Variants in SYT6 observed in about 807,000 individuals in gnomAD.
The protein encoded by SYT6 is synaptotagmin-6.
SYT6 carries 24 observed loss-of-function variants against 38.4 expected under a neutral mutation model. The observed-to-expected ratio is 0.62, with a 90% CI of 0.45 to 0.88. The LOEUF (loss-of-function observed/expected upper bound fraction) is 0.88, where lower values mean the gene tolerates loss of function less well. Among genes scored for constraint, SYT6 ranks in the 40% least tolerant of loss-of-function variants. SYT6 has a pLI of 0.00. For missense variants in SYT6, 611 were observed against 621.0 expected (o/e 0.98, Z 0.17); for synonymous variants, 265 against 241.9 (o/e 1.10, Z -0.89).
chr1:114,125,620 C>T (rs1677679231), intron 3 of SYT6, among the ~76,000 whole-genome samples: 1 of 152,068 alleles, frequency 6.6e-6, no homozygotes, highest in African/African-American at 2.4e-5. Context: ...AGGATGGCTG[C>T]TGTAGAGACC....
rs774979194 is a variant in SYT6 at position 114,137,480 on chromosome 1, C to G, written c.1071+15G>C. 2 of 1,603,450 alleles carry G rather than the reference C, an allele frequency of 1.2e-6. No homozygotes were observed. Among genetic ancestry groups the G allele is most frequent in the Non-Finnish European group, 1.7e-6 (2 of 1,172,264 alleles). ...CACAAATCCTCAAGAAGCCAAGGAA[C>G]AGGGCTGTACTTACACTTGTGGCAT... is the stretch of plus-strand genomic sequence containing the variant. On this transcript the variant is annotated intron_variant, in intron 3 of 7. Coordinates refer to ENST00000610222, the MANE Select transcript of SYT6 (RefSeq NM_001253772.2).
At chr1:114,103,819 G>A in intron 3 of SYT6, 98 bp from the exon 4 acceptor site, 1 of 1,456,452 alleles carries the variant, frequency 6.9e-7, no homozygotes, top group Non-Finnish European at 9.2e-7. Context: ...GTCAGGAGGA[G>A]GCTCTTGGAG....
chr1:114,128,020 C>G (rs1454558303), intron 3 of SYT6, among the ~76,000 whole-genome samples: 1 of 152,240 alleles, frequency 6.6e-6, no homozygotes, highest in Non-Finnish European at 1.5e-5. Flanking sequence ...GGGAGGGCCA[C>G]TGCTGGGCTC....
At chr1:114,146,963 C>CA (rs1262710413) in intron 1 of SYT6, among the ~76,000 whole-genome samples, 1 of 152,132 alleles carries the variant, frequency 6.6e-6, no homozygotes, top group African/African-American at 2.4e-5. Context: ...TAATAAATAT[C>CA]ACCTATTTTT....
At chr1:114,131,592 G>A (rs775146537) in intron 3 of SYT6, among the ~76,000 whole-genome samples, 26 of 152,278 alleles carry the variant, frequency 1.7e-4, no homozygotes, top group Middle Eastern at 3.4e-3. Context: ...GGACTTGGGG[G>A]CACAGGGCAT....
At chr1:114,135,648 G>A (rs1253403700) in intron 3 of SYT6, among the ~76,000 whole-genome samples, 5 of 152,232 alleles carry the variant, frequency 3.3e-5, no homozygotes, top group African/African-American at 9.6e-5. Flanking sequence ...GGTGCATCCA[G>A]GTGAGGAGTG....
At chr1:114,145,869 G>A (rs1427445149) in intron 1 of SYT6, among the ~76,000 whole-genome samples, 2 of 152,228 alleles carry the variant, frequency 1.3e-5, no homozygotes, top group African/African-American at 4.8e-5. Context: ...AATTGAATTC[G>A]TAAATGAAAA....
At chr1:114,095,717 G>C (rs1331267883) in intron 6 of SYT6, among the ~76,000 whole-genome samples, 1 of 151,316 alleles carries the variant, frequency 6.6e-6, no homozygotes. Flanking sequence ...CTGGAGTGCA[G>C]TGGTGCGATC....
At chr1:114,129,211 A>T (rs991977044) in intron 3 of SYT6, among the ~76,000 whole-genome samples, 1 of 152,218 alleles carries the variant, frequency 6.6e-6, no homozygotes, top group East Asian at 1.9e-4. Context: ...TGTGCTTTCA[A>T]AATATATTCA....
In SYT6 at chr1:114,145,731, T is replaced by C. The variant is rs147583932; in HGVS notation, c.164-5768A>G. On this transcript the variant is annotated intron_variant, in intron 1 of 7. Transcript: ENST00000610222. ...TGAGTCACCTCAAAACAAAAGGTGT[T>C]TCTAGGGCTTTGCTTTCCTTTGATC... Among the ~76,000 whole-genome samples the C allele has an allele frequency of 1.3e-4, 20 of 152,304 alleles. No homozygotes were observed. The East Asian group carries it at 2.7e-3, about 21-fold the overall frequency.
intron 3 of SYT6, among the ~76,000 whole-genome samples, chr1:114,126,167 C>G (rs1392798102): frequency 6.6e-6 from 1 of 152,152 alleles, no homozygotes; most frequent in East Asian, 1.9e-4. Context: ...CTCCCAACCA[C>G]CCCAAGCAAG....
At chr1:114,149,141 G>A (rs1302189571) in intron 1 of SYT6, among the ~76,000 whole-genome samples, 2 of 142,846 alleles carry the variant, frequency 1.4e-5, no homozygotes, top group Admixed American at 6.9e-5. Context: ...TTGCCCACCA[G>A]CCACCAGGCA....
At chr1:114,096,344 G>A (rs912001993) in intron 6 of SYT6, among the ~76,000 whole-genome samples, 1 of 152,188 alleles carries the variant, frequency 6.6e-6, no homozygotes, top group Non-Finnish European at 1.5e-5. Context: ...ACAGCTATGG[G>A]ACAATCAAGG....
chr1:114,099,063 A>G (rs2774285), intron 5 of SYT6, 31 bp downstream of exon 5: 1,234,518 of 1,583,208 alleles, frequency 0.78, 483,812 homozygotes, highest in East Asian at 0.94. Flanking sequence ...AGTGAGGGGT[A>G]GAATTACGTC....
chr1:114,109,427 A>G (rs554259621), intron 3 of SYT6, among the ~76,000 whole-genome samples: 2 of 152,244 alleles, frequency 1.3e-5, no homozygotes, highest in Non-Finnish European at 2.9e-5. Context: ...TCCAGCTTCC[A>G]GCTCTTAAGA....
chr1:114,143,976 C>T (rs1238227169), intron 1 of SYT6, among the ~76,000 whole-genome samples: 2 of 152,292 alleles, frequency 1.3e-5, no homozygotes, highest in South Asian at 2.1e-4. Context: ...TCTTCTTGCT[C>T]GGAGTAGAGA....
chr1:114,125,458 C>T (rs1045303931), intron 3 of SYT6, among the ~76,000 whole-genome samples: 7 of 152,114 alleles, frequency 4.6e-5, no homozygotes, highest in African/African-American at 1.4e-4. Context: ...GGGACTTTAT[C>T]CAGAAAGGAA....
intron 3 of SYT6, among the ~76,000 whole-genome samples, chr1:114,118,181 C>T (rs1216580448): frequency 2.0e-5 from 3 of 152,192 alleles, no homozygotes; most frequent in Non-Finnish European, 4.4e-5. Flanking sequence ...TGCTATAAAC[C>T]AGGCCCCAGG....
intron 6 of SYT6, among the ~76,000 whole-genome samples, chr1:114,097,381 T>C (rs1195570258): frequency 6.6e-6 from 1 of 152,240 alleles, no homozygotes; most frequent in Non-Finnish European, 1.5e-5. Flanking sequence ...CAAGCTCTGA[T>C]CTCACCCCCT....
Sources: allele counts gnomAD v4.1 joint callset (sites outside exome capture counted in the v4.1 genomes callset), GRCh38; gene constraint gnomAD v4.1.1; transcripts MANE v1.5; gene names NCBI Gene and HGNC (gene_info 2026-07-23, HGNC 2026-07-21).